The following RGS20 variants were observed in gnomAD, a reference collection of about 807,000 sequenced individuals.
RGS20 encodes the protein gz-selective GTPase-activating protein.
Under a neutral mutation model 33.6 loss-of-function variants are expected in RGS20, and 30 were observed. That is an observed-to-expected ratio of 0.89 (90% confidence interval 0.67 to 1.21). RGS20 has a LOEUF of 1.21. Ranked by LOEUF, RGS20 falls within the 50% of genes most tolerant of loss-of-function variation. RGS20 has a pLI of 0.00. For synonymous variants in RGS20, 208 were observed against 197.9 expected (o/e 1.05, Z -0.43); for missense variants, 472 against 502.4 (o/e 0.94, Z 0.58).
intron 2 of RGS20, among the ~76,000 whole-genome samples, chr8:53,885,458 C>G (rs1193170872): frequency 6.6e-6 from 1 of 152,022 alleles, no homozygotes; most frequent in Non-Finnish European, 1.5e-5. Context: ...CTAAAAAATA[C>G]AAAAAATTAG....
chr8:53,929,205 G>C (rs1563408465), intron 2 of RGS20, among the ~76,000 whole-genome samples: 2 of 152,192 alleles, frequency 1.3e-5, no homozygotes, highest in Non-Finnish European at 2.9e-5. Flanking sequence ...AACTTTTGAG[G>C]GTGAGGATGT....
At chr8:53,864,144 C>A (rs1373423069) in intron 1 of RGS20, among the ~76,000 whole-genome samples, 2 of 151,802 alleles carry the variant, frequency 1.3e-5, no homozygotes, top group African/African-American at 2.4e-5. Flanking sequence ...TTTTAAAAAA[C>A]TCAGATCATG....
At chr8:53,932,850 G>A (rs576940227) in intron 2 of RGS20, among the ~76,000 whole-genome samples, 121 of 152,222 alleles carry the variant, frequency 7.9e-4, no homozygotes, top group African/African-American at 2.5e-3. Flanking sequence ...AGCAGGGGTC[G>A]ACAGACACCT....
intron 2 of RGS20, among the ~76,000 whole-genome samples, chr8:53,934,770 TC>T (rs1350890854): frequency 6.6e-6 from 1 of 152,188 alleles, no homozygotes; most frequent in African/African-American, 2.4e-5. Context: ...CTAATAGACA[TC>T]TACAGAACTC....
intron 2 of RGS20, among the ~76,000 whole-genome samples, chr8:53,891,291 C>G (rs1225126772): frequency 6.6e-6 from 1 of 152,182 alleles, no homozygotes; most frequent in Admixed American, 6.5e-5. Flanking sequence ...TGTAATTTCA[C>G]TTATTTATCT....
In RGS20 at chr8:53,958,669, T is replaced by C. The variant is rs971137838; in HGVS notation, c.*211T>C. On this transcript the variant is annotated 3_prime_UTR_variant, in exon 6 of 6. Transcript: ENST00000297313. ...CTTTTGAAAAAAAAAAATAAAGGGA[T>C]ATGGCTGTTGTAGAAAGATAGCGTA... 1 of 277,152 alleles carries C rather than the reference T, an allele frequency of 3.6e-6. No homozygotes were observed. Among genetic ancestry groups the C allele is most frequent in the Non-Finnish European group, 6.5e-6 (1 of 154,314 alleles). The allele number at this position is 277,152 out of a possible 1,614,324, so 17.2% of individuals were successfully genotyped here. A position where few individuals can be genotyped will look rare whatever the true frequency, so the allele number is the denominator to read the frequency against.
intron 2 of RGS20, among the ~76,000 whole-genome samples, chr8:53,915,637 C>G (rs1432584540): frequency 3.3e-5 from 5 of 152,196 alleles, no homozygotes; most frequent in South Asian, 2.1e-4. Context: ...CCAGGCCCTC[C>G]CATTGAGTCT....
intron 2 of RGS20, 105 bp from the exon 1 acceptor site, chr8:53,880,767 G>A (rs1812340493): frequency 6.6e-6 from 7 of 1,060,836 alleles, no homozygotes; most frequent in Non-Finnish European, 8.7e-6. Context: ...TGGGGCCTCG[G>A]GGGTACCCCT....
chr8:53,897,283 T>C (rs1230184622), intron 2 of RGS20, among the ~76,000 whole-genome samples: 2 of 152,242 alleles, frequency 1.3e-5, no homozygotes, highest in East Asian at 3.8e-4. Context: ...CAGACTGGGC[T>C]AGGGCTGCCC....
chr8:53,941,170 A>G (rs1480008179), intron 3 of RGS20, among the ~76,000 whole-genome samples: 1 of 152,208 alleles, frequency 6.6e-6, no homozygotes, highest in Non-Finnish European at 1.5e-5. Flanking sequence ...GGCTCCTCCT[A>G]CAGGTAACAA....
intron 2 of RGS20, among the ~76,000 whole-genome samples, chr8:53,932,139 G>A (rs147103582): frequency 0.035 from 5,295 of 152,220 alleles, 255 homozygotes; most frequent in African/African-American, 0.11. Context: ...TTAGTCTGAT[G>A]GGCTTCCCTT....
At chr8:53,867,785 T>C (rs2129270442) in intron 1 of RGS20, among the ~76,000 whole-genome samples, 1 of 152,088 alleles carries the variant, frequency 6.6e-6, no homozygotes, top group East Asian at 1.9e-4. Flanking sequence ...TGCAGTGGTG[T>C]GATCCCAGCT....
At chr8:53,948,323 C>T (rs1814596794) in intron 4 of RGS20, among the ~76,000 whole-genome samples, 1 of 133,910 alleles carries the variant, frequency 7.5e-6, no homozygotes, top group African/African-American at 2.9e-5. Flanking sequence ...TATACATATG[C>T]TATATATAAG....
intron 4 of RGS20, among the ~76,000 whole-genome samples, chr8:53,948,295 GAT>G (rs1480663431): frequency 1.5e-5 from 2 of 136,908 alleles, no homozygotes; most frequent in African/African-American, 2.7e-5. Context: ...TTATATATAC[GAT>G]ATATGATACA....
At chr8:53,939,126 G>A (rs1441858645) in intron 2 of RGS20, among the ~76,000 whole-genome samples, 1 of 152,126 alleles carries the variant, frequency 6.6e-6, no homozygotes, top group African/African-American at 2.4e-5. Context: ...TGTATTAGCT[G>A]GGCCGCCCTT....
At chr8:53,926,141 T>C (rs1354977858) in intron 2 of RGS20, among the ~76,000 whole-genome samples, 1 of 152,214 alleles carries the variant, frequency 6.6e-6, no homozygotes, top group South Asian at 2.1e-4. Flanking sequence ...ACTCAGGAGG[T>C]TGAAGCTGCA....
chr8:53,941,111 A>G (rs957875171), intron 3 of RGS20, among the ~76,000 whole-genome samples: 1 of 152,140 alleles, frequency 6.6e-6, no homozygotes, highest in South Asian at 2.1e-4. Flanking sequence ...TGAACAACGT[A>G]TTGTCCCGGG....
intron 3 of RGS20, chr8:53,945,490 G>A (rs111848302): frequency 7.9e-5 from 12 of 152,332 alleles, no homozygotes; most frequent in African/African-American, 2.9e-4. Context: ...GGTTTCTTTT[G>A]GGGGTGATGA....
intron 2 of RGS20, among the ~76,000 whole-genome samples, chr8:53,898,583 C>G (rs1812929619): frequency 6.6e-6 from 1 of 152,170 alleles, no homozygotes; most frequent in African/African-American, 2.4e-5. Context: ...ACATGATATC[C>G]TGTGGGCTCT....
Sources: gnomAD v4.1 joint callset for allele counts (sites outside exome capture counted in the v4.1 genomes callset) on GRCh38, gnomAD v4.1.1 for gene constraint, MANE v1.5 for transcripts, NCBI Gene and HGNC (gene_info 2026-07-23, HGNC 2026-07-21) for gene names.